Variants in BORCS7 observed in about 807,000 individuals in gnomAD.
The protein encoded by BORCS7 is BLOC-1-related complex subunit 7.
In BORCS7, 20 loss-of-function variants were observed where a neutral mutation model predicts 17.5. That is an observed-to-expected ratio of 1.14 (90% CI 0.80 to 1.66). BORCS7 has a LOEUF of 1.66. Ranked by LOEUF, BORCS7 falls within the 40% of genes most tolerant of loss-of-function variation. The pLI is 0.00. For synonymous variants in BORCS7, 57 were observed against 49.8 expected (o/e 1.14, Z -0.61); for missense variants, 122 against 129.7 (o/e 0.94, Z 0.29).
chr10:102,856,410 T>G (rs564319993), intron 1 of BORCS7, among the ~76,000 whole-genome samples: 4 of 150,556 alleles, frequency 2.7e-5, no homozygotes, highest in Admixed American at 1.3e-4. Flanking sequence ...AAAAAAAGAA[T>G]GAAAACAATT....
rs1844560824 is a variant in BORCS7, at chr10:102,864,135, C to CG, written c.*1211_*1212insG. 1 of 152,120 alleles carries CG rather than the reference C, an allele frequency of 6.6e-6. No homozygotes were observed. The highest frequency in any genetic ancestry group is 1.5e-5 in the Non-Finnish European group (1 of 68,024). The allele number at this position is 152,120 out of a possible 1,614,324, so 9.4% of individuals were successfully genotyped here. A position where few individuals can be genotyped will look rare whatever the true frequency, so the allele number is the denominator to read the frequency against. ...TTGTTGTAGTTCAGGTCTTCATTGACTAAGAGATTGAGAGAAATCTGACAT... is the reference window on the plus strand; with the variant it reads ...TTGTTGTAGTTCAGGTCTTCATTGACGTAAGAGATTGAGAGAAATCTGACAT... On this transcript the variant is annotated 3_prime_UTR_variant, in exon 5 of 5. Coordinates refer to ENST00000339834, the MANE Select transcript of BORCS7 (RefSeq NM_001136200.2).
At chr10:102,855,359 T>C (rs1334349278) in intron 1 of BORCS7, among the ~76,000 whole-genome samples, 1 of 152,072 alleles carries the variant, frequency 6.6e-6, no homozygotes, top group Non-Finnish European at 1.5e-5. Flanking sequence ...GGTTTCACCA[T>C]GTTGGCCAGG....
intron 1 of BORCS7, among the ~76,000 whole-genome samples, chr10:102,857,008 T>C (rs1386457017): frequency 2.0e-5 from 3 of 152,202 alleles, no homozygotes; most frequent in Non-Finnish European, 4.4e-5. Flanking sequence ...GTCCACCTGC[T>C]TACCACATTT....
chr10:102,859,578 T>G (rs1844484538), intron 1 of BORCS7, among the ~76,000 whole-genome samples: 2 of 151,218 alleles, frequency 1.3e-5, no homozygotes, highest in South Asian at 4.2e-4. Context: ...TTCTTTTTTT[T>G]TTTTTGAGAC....
intron 4 of BORCS7, among the ~76,000 whole-genome samples, chr10:102,862,493 T>A (rs977419498): frequency 1.3e-5 from 2 of 152,234 alleles, no homozygotes; most frequent in Non-Finnish European, 2.9e-5. Context: ...TTAAACAGCC[T>A]TGTTTTCTAA....
rs1464969830 is a variant in BORCS7 at position 102,860,395 on chromosome 10, GTAAGAAACAACTTTTTTTTTT to G, written c.204+2_204+22del. 6.2e-7 allele frequency: 1 copy of G among 1,613,834 alleles called. No homozygotes were observed. Among genetic ancestry groups the G allele is most frequent in the Non-Finnish European group, 8.5e-7 (1 of 1,179,858 alleles). ...AGATGCCATCTTGCACTCAGAAGAT[GTAAGAAACAACTTTTTTTTTT>G]AATGATTTGGGTTTATGTATATGGT... On this transcript the variant is annotated splice_donor_variant and splice_donor_5th_base_variant and intron_variant, in intron 2 of 4. Coordinates refer to ENST00000339834, the MANE Select transcript of BORCS7 (RefSeq NM_001136200.2). LOFTEE classifies it high-confidence loss of function.
rs9665369 is a variant in BORCS7, at chr10:102,858,199, A to C, written c.142-2133A>C. On this transcript the variant is annotated intron_variant, in intron 1 of 4. Coordinates refer to ENST00000339834, the MANE Select transcript of BORCS7 (RefSeq NM_001136200.2). ...AAAATATATATATATATAGAGAGAG[A>C]GAGCGAGCGAGAGAGAGAGAGAGAG... is the stretch of plus-strand genomic sequence containing the variant. 4.4e-3 allele frequency among the ~76,000 whole-genome samples: 579 copies of C among 130,774 alleles called. 3 individuals carry two copies. Among genetic ancestry groups the C allele is most frequent in the East Asian group, 0.01 (43 of 4,210 alleles). The allele number at this position is 130,774 out of a possible 152,430, so 85.8% of individuals were successfully genotyped here.
At position 102,862,673 on chromosome 10, in the gene BORCS7, A is replaced by ACAG. The variant is rs761692736; in HGVS notation, c.270-200_270-199insCAG. On this transcript the variant is annotated intron_variant, in intron 4 of 4. Coordinates refer to ENST00000339834, the MANE Select transcript of BORCS7 (RefSeq NM_001136200.2). ...CAGATAGCTTGTACAGGACAGGTGTAGTGGCTGGCTCATGCCTGTAATTGC... is the reference window on the plus strand; with the variant it reads ...CAGATAGCTTGTACAGGACAGGTGTACAGGTGGCTGGCTCATGCCTGTAATTGC... Among the ~76,000 whole-genome samples, 19 of 152,212 alleles carry ACAG rather than the reference A, an allele frequency of 1.2e-4. No homozygotes were observed. The East Asian group carries it at 1.3e-3, about 11-fold the overall frequency.
At chr10:102,860,895 A>G (rs1316558419) in intron 3 of BORCS7, 8 of 349,602 alleles carry the variant, frequency 2.3e-5, no homozygotes, top group Non-Finnish European at 3.7e-5. Flanking sequence ...ACTGTGCCCA[A>G]GGTCTCTTCT....
At chr10:102,859,444 C>CTTTCT (rs1844481379) in intron 1 of BORCS7, among the ~76,000 whole-genome samples, 1 of 147,432 alleles carries the variant, frequency 6.8e-6, no homozygotes, top group African/African-American at 2.5e-5. Flanking sequence ...TGGCCATCTC[C>CTTTCT]TTTCTTTTCT....
intron 1 of BORCS7, 33 bp downstream of exon 1, chr10:102,854,460 G>A: frequency 6.6e-7 from 1 of 1,510,786 alleles, no homozygotes; most frequent in Non-Finnish European, 8.9e-7. Flanking sequence ...CGGCCTGATA[G>A]TCCGGGGAGT....
chr10:102,855,317 C>T (rs1246961778), intron 1 of BORCS7, among the ~76,000 whole-genome samples: 1 of 151,958 alleles, frequency 6.6e-6, no homozygotes, highest in Non-Finnish European at 1.5e-5. Context: ...CACCACCACA[C>T]CTGGCTATTT....
chr10:102,857,584 C>G (rs1278404461), intron 1 of BORCS7, among the ~76,000 whole-genome samples: 1 of 152,114 alleles, frequency 6.6e-6, no homozygotes, highest in Non-Finnish European at 1.5e-5. Context: ...CAAACATATG[C>G]TGGCAAAAAG....
At position 102,862,224 on chromosome 10, in the gene BORCS7, A is replaced by G. The variant is rs748056662; in HGVS notation, c.269+44A>G. On this transcript the variant is annotated intron_variant, in intron 4 of 4. Coordinates refer to ENST00000339834, the MANE Select transcript of BORCS7 (RefSeq NM_001136200.2). Reference sequence around the variant, plus strand: ...AGAGGAGTAGGGAACCAACTGAAGCAGGCTGGGGGGATTTATACTGCTGGG... The same window carrying G: ...AGAGGAGTAGGGAACCAACTGAAGCGGGCTGGGGGGATTTATACTGCTGGG... 8.3e-6 allele frequency: 13 copies of G among 1,573,638 alleles called. No homozygotes were observed. In the East Asian group the frequency reaches 2.9e-4, roughly 35 times the overall value.
At chr10:102,854,631 A>T in intron 1 of BORCS7, 1 of 496,316 alleles carries the variant, frequency 2.0e-6, no homozygotes. Flanking sequence ...TTGGGGGAAG[A>T]AGCGATGCCA....
At chr10:102,858,114 G>A (rs904409960) in intron 1 of BORCS7, among the ~76,000 whole-genome samples, 1 of 150,996 alleles carries the variant, frequency 6.6e-6, no homozygotes, top group Non-Finnish European at 1.5e-5. Context: ...TCAGTGAACA[G>A]TGATGGTGCC....
chr10:102,860,568 T>G, intron 3 of BORCS7, 27 bp downstream of exon 3: 2 of 1,604,968 alleles, frequency 1.2e-6, no homozygotes, highest in Non-Finnish European at 1.7e-6. Context: ...CAGCAACTAT[T>G]TGCTGCAGAA....
chr10:102,863,525 G>A lies in BORCS7; in HGVS notation c.*601G>A, dbSNP rs765461318. ...TTAAGAGGTCTTAGTTTTTCCTATAGAACTTTTAATATGTCAAAAGCTATA... is the reference window on the plus strand; with the variant it reads ...TTAAGAGGTCTTAGTTTTTCCTATAAAACTTTTAATATGTCAAAAGCTATA... On this transcript the variant is annotated 3_prime_UTR_variant, in exon 5 of 5. Transcript: ENST00000339834. 1.3e-5 allele frequency: 2 copies of A among 152,010 alleles called. No homozygotes were observed. The highest frequency in any genetic ancestry group is 2.4e-5 in the African/African-American group (1 of 41,370). The allele number at this position is 152,010 out of a possible 1,614,324, so 9.4% of individuals were successfully genotyped here.
In BORCS7 at chr10:102,859,328, A is replaced by C. The variant is rs549365879; in HGVS notation, c.142-1004A>C. On this transcript the variant is annotated intron_variant, in intron 1 of 4. Transcript: ENST00000339834. Reference sequence around the variant, plus strand: ...TGGCTAATTTTTGTAATTTTGGTAGAGGGGTTTTGCCATGTTGGCCAGGCT... The same window carrying C: ...TGGCTAATTTTTGTAATTTTGGTAGCGGGGTTTTGCCATGTTGGCCAGGCT... 4.0e-5 allele frequency among the ~76,000 whole-genome samples: 6 copies of C among 151,498 alleles called. No homozygotes were observed. The South Asian group carries it at 1.3e-3, about 32-fold the overall frequency.
Sources: gnomAD v4.1 joint callset for allele counts (sites outside exome capture counted in the v4.1 genomes callset) on GRCh38, gnomAD v4.1.1 for gene constraint, MANE v1.5 for transcripts, NCBI Gene and HGNC (gene_info 2026-07-23, HGNC 2026-07-21) for gene names.